The following SKAP2 variants were observed in gnomAD, a reference collection of about 807,000 sequenced individuals.
SKAP2 encodes src kinase associated phosphoprotein 2.
In SKAP2, 28 loss-of-function variants were observed where a neutral mutation model predicts 54.9. The observed-to-expected ratio is 0.51, with a 90% CI of 0.38 to 0.70. The LOEUF (loss-of-function observed/expected upper bound fraction) is 0.70. Among genes scored for constraint, SKAP2 ranks in the 30% least tolerant of loss-of-function variants. SKAP2 has a pLI of 0.00. For synonymous variants in SKAP2, 137 were observed against 134.3 expected (o/e 1.02, Z -0.14); for missense variants, 356 against 424.1 (o/e 0.84, Z 1.41).
chr7:26,854,627 T>C (rs1785121230), intron 2 of SKAP2, among the ~76,000 whole-genome samples, 158 bp downstream of exon 2: 2 of 152,048 alleles, frequency 1.3e-5, no homozygotes, highest in Non-Finnish European at 2.9e-5. Flanking sequence ...TTAAAAACTA[T>C]ATAGTGGAAA....
chr7:26,703,835 C>A (rs554806746), intron 9 of SKAP2, among the ~76,000 whole-genome samples: 1 of 152,266 alleles, frequency 6.6e-6, no homozygotes, highest in East Asian at 1.9e-4. Context: ...GGCATAGAAA[C>A]ACTTAAGTAA....
intron 4 of SKAP2, among the ~76,000 whole-genome samples, chr7:26,757,269 T>A (rs900474960): frequency 1.3e-5 from 2 of 152,176 alleles, no homozygotes; most frequent in South Asian, 2.1e-4. Flanking sequence ...CTGAATGGTA[T>A]TGCCTAGGTT....
At chr7:26,732,328 A>G (rs17154412) in intron 6 of SKAP2, among the ~76,000 whole-genome samples, 11 of 152,144 alleles carry the variant, frequency 7.2e-5, no homozygotes, top group African/African-American at 2.2e-4. Context: ...GTGTGTCCCA[A>G]TAAGATTTTT....
chr7:26,689,292 C>T (rs543693149), intron 10 of SKAP2, among the ~76,000 whole-genome samples: 1 of 152,280 alleles, frequency 6.6e-6, no homozygotes, highest in South Asian at 2.1e-4. Flanking sequence ...GACCTTGCCC[C>T]AGCTGACATG....
At chr7:26,673,956 A>C (rs894014158) in intron 11 of SKAP2, among the ~76,000 whole-genome samples, 2 of 152,134 alleles carry the variant, frequency 1.3e-5, no homozygotes, top group African/African-American at 4.8e-5. Flanking sequence ...TTTACACTTA[A>C]ATAAGGCCCC....
At chr7:26,674,831 T>C (rs1786318780) in intron 11 of SKAP2, among the ~76,000 whole-genome samples, 1 of 152,180 alleles carries the variant, frequency 6.6e-6, no homozygotes, top group Non-Finnish European at 1.5e-5. Context: ...TCATAAGAAA[T>C]TTTAGTTTAT....
At chr7:26,861,442 C>T (rs934774305) in intron 1 of SKAP2, among the ~76,000 whole-genome samples, 5 of 151,954 alleles carry the variant, frequency 3.3e-5, no homozygotes, top group Non-Finnish European at 7.4e-5. Context: ...CTTTCAACAA[C>T]GAAATTCTGT....
At chr7:26,678,442 CTTTTT>C (rs931425488) in intron 11 of SKAP2, among the ~76,000 whole-genome samples, 1 of 133,826 alleles carries the variant, frequency 7.5e-6, no homozygotes. Flanking sequence ...ACTGGTTGTT[CTTTTT>C]TTTTTTTTTT....
intron 9 of SKAP2, among the ~76,000 whole-genome samples, chr7:26,720,214 T>C (rs1257745552): frequency 6.6e-6 from 1 of 152,224 alleles, no homozygotes; most frequent in Non-Finnish European, 1.5e-5. Flanking sequence ...TCATTTTATC[T>C]CACCACCAGT....
intron 4 of SKAP2, among the ~76,000 whole-genome samples, chr7:26,777,143 A>T (rs1368452133): frequency 6.6e-6 from 1 of 152,176 alleles, no homozygotes; most frequent in African/African-American, 2.4e-5. Flanking sequence ...CTTAAAGAAA[A>T]AAATTTAAAA....
intron 1 of SKAP2, chr7:26,855,191 G>A (rs1186261961): frequency 5.4e-6 from 1 of 184,526 alleles, no homozygotes; most frequent in African/African-American, 2.3e-5. Flanking sequence ...AATAAACTAT[G>A]GTGCCCCATA....
chr7:26,793,513 T>A (rs1783711473), intron 4 of SKAP2, among the ~76,000 whole-genome samples: 2 of 152,220 alleles, frequency 1.3e-5, no homozygotes, highest in Admixed American at 1.3e-4. Context: ...GTCTAAGTTT[T>A]AAAATTTTTT....
At chr7:26,837,394 G>A (rs1489637129) in intron 4 of SKAP2, among the ~76,000 whole-genome samples, 9 of 152,126 alleles carry the variant, frequency 5.9e-5, no homozygotes, top group Admixed American at 4.6e-4. Flanking sequence ...CAGGAAGCAT[G>A]GCACTGGACA....
At chr7:26,780,243 C>T (rs1211280164) in intron 4 of SKAP2, among the ~76,000 whole-genome samples, 2 of 152,050 alleles carry the variant, frequency 1.3e-5, no homozygotes, top group Admixed American at 6.6e-5. Flanking sequence ...GAGTATCTGG[C>T]ACATTAGCAA....
At chr7:26,784,988 T>C (rs1367991588) in intron 4 of SKAP2, among the ~76,000 whole-genome samples, 1 of 152,182 alleles carries the variant, frequency 6.6e-6, no homozygotes, top group Non-Finnish European at 1.5e-5. Flanking sequence ...AATAGGTATT[T>C]TCTGTAAAAT....
chr7:26,796,679 T>G (rs574697000), intron 4 of SKAP2, among the ~76,000 whole-genome samples: 3 of 152,384 alleles, frequency 2.0e-5, no homozygotes, highest in African/African-American at 7.2e-5. Flanking sequence ...TACAGTACTG[T>G]AAATGTATTT....
At position 26,854,838 on chromosome 7, in the gene SKAP2, T is replaced by C; in HGVS notation, c.120A>G (p.Lys40=). 6.2e-7 allele frequency: 1 copy of C among 1,601,780 alleles called. No individual in the cohort carries two copies. Among genetic ancestry groups the C allele is most frequent in the Non-Finnish European group, 8.5e-7 (1 of 1,171,946 alleles). The change falls in exon 2 of 13, where the codon AAA becomes AAG. Residue 40 remains lysine, a synonymous_variant. Transcript: ENST00000345317. ...DILKGENLSK[K]AKEKRESLIK... ...TAAGGGATTCTCTCTTTTCCTTTGC[T>C]TTCTTGGATAAATTTTCTCCTTTCA...
intron 9 of SKAP2, among the ~76,000 whole-genome samples, chr7:26,703,076 G>T (rs1787076465): frequency 6.6e-6 from 1 of 152,164 alleles, no homozygotes; most frequent in Admixed American, 6.5e-5. Context: ...AGCCCATGCT[G>T]CTGGTCCCAG....
At chr7:26,695,653 T>C (rs1229786480) in intron 9 of SKAP2, among the ~76,000 whole-genome samples, 1 of 152,218 alleles carries the variant, frequency 6.6e-6, no homozygotes, top group Non-Finnish European at 1.5e-5. Context: ...CATTTTCACA[T>C]AGAATAGTAG....
Sources: gnomAD v4.1 joint callset for allele counts (sites outside exome capture counted in the v4.1 genomes callset) on GRCh38, gnomAD v4.1.1 for gene constraint, MANE v1.5 for transcripts, NCBI Gene and HGNC (gene_info 2026-07-23, HGNC 2026-07-21) for gene names.